The following PCDHA5 variants were observed in gnomAD, a reference collection of about 807,000 sequenced individuals.
PCDHA5 encodes protocadherin alpha 5, also known as protocadherin alpha-5.
A neutral mutation model predicts 61.6 loss-of-function variants in PCDHA5; 43 were observed. That is an observed-to-expected ratio of 0.70 (90% CI 0.55 to 0.90). The LOEUF (loss-of-function observed/expected upper bound fraction) is 0.90, where lower values mean the gene tolerates loss of function less well. Among genes scored for constraint, PCDHA5 ranks in the 40% least tolerant of loss-of-function variants. The pLI, the probability that PCDHA5 is intolerant of heterozygous loss-of-function variation, is 0.00. For missense variants in PCDHA5, 1,298 were observed against 1,222.7 expected, an observed-to-expected ratio of 1.06 and a Z score of -0.92; for synonymous variants, 627 against 543.9, an observed-to-expected ratio of 1.15 and a Z score of -2.13.
chr5:140,834,687 T>C, intron 1 of PCDHA5: 2 of 1,614,150 alleles, frequency 1.2e-6, no homozygotes, highest in Non-Finnish European at 1.7e-6. Flanking sequence ...GAGCGCGGAG[T>C]GCAGCATCCA....
Position 140,848,448 on chromosome 5 carries a change from T to G in PCDHA5, c.2352+24321T>G, listed in dbSNP as rs2150410519. 45 of 1,511,666 alleles carry G rather than the reference T, an allele frequency of 3.0e-5. 2 individuals carry two copies. The highest frequency in any genetic ancestry group is 3.9e-5 in the Non-Finnish European group (43 of 1,111,010). 93.6% of individuals were successfully genotyped at this position (1,511,666 alleles called of 1,614,324 possible). The stretch of plus-strand genomic sequence containing the variant: ...ACTGACGAAATCAGATGATTTCTTC[T>G]AATTTGGAGGCAATTTTCACTAATT... On this transcript the variant is annotated intron_variant, in intron 1 of 3. Transcript: ENST00000529859.
intron 1 of PCDHA5, chr5:140,967,882 C>T (rs1323816592): frequency 1.2e-6 from 2 of 1,614,108 alleles, no homozygotes. Context: ...ACCTGTATAG[C>T]CCAGTGCCTG....
At chr5:140,909,288 A>G (rs1441603045) in intron 1 of PCDHA5, among the ~76,000 whole-genome samples, 2 of 152,234 alleles carry the variant, frequency 1.3e-5, no homozygotes, top group Non-Finnish European at 2.9e-5. Context: ...GGTGGGCCTT[A>G]TGGACAGGAA....
chr5:140,917,741 C>G (rs2078335946), intron 1 of PCDHA5, among the ~76,000 whole-genome samples: 1 of 152,048 alleles, frequency 6.6e-6, no homozygotes, highest in Non-Finnish European at 1.5e-5. Flanking sequence ...CTAACCTGTC[C>G]CATTGGTCTA....
At chr5:140,945,304 C>T (rs993719774) in intron 1 of PCDHA5, among the ~76,000 whole-genome samples, 3 of 151,880 alleles carry the variant, frequency 2.0e-5, no homozygotes, top group African/African-American at 7.3e-5. Flanking sequence ...TTGAAGAAGA[C>T]ACAAATAAAT....
intron 1 of PCDHA5, among the ~76,000 whole-genome samples, chr5:140,880,884 G>A (rs540368068): frequency 2.0e-5 from 3 of 152,304 alleles, no homozygotes; most frequent in South Asian, 4.1e-4. Flanking sequence ...ATAAAGAAAT[G>A]TAGGGCCAGA....
rs557129583 is a variant in PCDHA5 at position 140,853,604 on chromosome 5, G to A, written c.2352+29477G>A. The A allele has an allele frequency of 2.1e-4, 212 of 987,262 alleles. 18 individuals are homozygous for A. Among genetic ancestry groups the A allele is most frequent in the Non-Finnish European group, 2.2e-4 (180 of 819,618 alleles). 61.2% of individuals were successfully genotyped at this position (987,262 alleles called of 1,614,324 possible). A position where few individuals can be genotyped will look rare whatever the true frequency, so the allele number is the denominator to read the frequency against. ...ATCTTAGACACTTTGAGAGCAAAGG[G>A]GGTGCTGTAAATAAGTATACAAGAT... On this transcript the variant is annotated intron_variant, in intron 1 of 3. Coordinates refer to ENST00000529859, the MANE Select transcript of PCDHA5 (RefSeq NM_018908.3).
At chr5:140,966,522 G>A (rs1350046535) in intron 1 of PCDHA5, 2 of 437,040 alleles carry the variant, frequency 4.6e-6, no homozygotes, top group Non-Finnish European at 7.9e-6. Flanking sequence ...GCAGGAAGCC[G>A]AGCCGGGTTG....
chr5:140,960,575 A>G (rs990834964), intron 1 of PCDHA5, among the ~76,000 whole-genome samples: 4 of 152,186 alleles, frequency 2.6e-5, no homozygotes, highest in Non-Finnish European at 2.9e-5. Flanking sequence ...AAACAGTTGG[A>G]AAACAGTTCA....
intron 1 of PCDHA5, chr5:140,853,994 C>A (rs1157670229): frequency 4.2e-6 from 2 of 477,726 alleles, no homozygotes; most frequent in Non-Finnish European, 5.6e-6. Context: ...TGAGACTCAT[C>A]TCTGCCAAAA....
intron 1 of PCDHA5, among the ~76,000 whole-genome samples, chr5:140,908,191 G>A (rs548195405): frequency 2.6e-5 from 4 of 152,244 alleles, no homozygotes; most frequent in African/African-American, 9.6e-5. Flanking sequence ...TTCAGGTGGT[G>A]GACATATCAT....
chr5:140,969,363 C>T, intron 1 of PCDHA5: 2 of 1,610,732 alleles, frequency 1.2e-6, no homozygotes, highest in Non-Finnish European at 8.5e-7. Context: ...CTTCTACAAA[C>T]TCATGCATTT....
At chr5:140,836,246 G>A (rs2150134732) in intron 1 of PCDHA5, 2 of 1,613,810 alleles carry the variant, frequency 1.2e-6, no homozygotes, top group Non-Finnish European at 1.7e-6. Flanking sequence ...CGAGCATCCC[G>A]TTCCGCGTGG....
rs1554174004 is a variant in PCDHA5, at chr5:140,882,408, G to C, written c.2352+58281G>C. On this transcript the variant is annotated intron_variant, in intron 1 of 3. Coordinates refer to ENST00000529859, the MANE Select transcript of PCDHA5 (RefSeq NM_018908.3). Reference sequence around the variant, plus strand: ...GCAAAACACGGCACCTTCGTGGGCCGCATCGCTCAGGACCTGGGGCTGGAG... The same window carrying C: ...GCAAAACACGGCACCTTCGTGGGCCCCATCGCTCAGGACCTGGGGCTGGAG... The C allele has an allele frequency of 3.1e-6, 5 of 1,614,138 alleles. No homozygotes were observed. The highest frequency in any genetic ancestry group is 3.3e-5 in the Admixed American group (2 of 60,036).
chr5:140,975,601 GA>G (rs781785883), intron 1 of PCDHA5, among the ~76,000 whole-genome samples: 1 of 152,192 alleles, frequency 6.6e-6, no homozygotes, highest in Non-Finnish European at 1.5e-5. Flanking sequence ...GCAATTTGTT[GA>G]TGTCTTCCAC....
intron 3 of PCDHA5, among the ~76,000 whole-genome samples, chr5:140,995,493 G>T (rs1427672474): frequency 6.6e-6 from 1 of 152,148 alleles, no homozygotes; most frequent in Non-Finnish European, 1.5e-5. Flanking sequence ...TCAGACTAAG[G>T]TTGACTGTGG....
chr5:140,830,272 C>T (rs2150183943), intron 1 of PCDHA5: 3 of 1,613,840 alleles, frequency 1.9e-6, no homozygotes, highest in African/African-American at 2.7e-5. Flanking sequence ...CGGCGCCACC[C>T]ACCGAGGGCG....
intron 1 of PCDHA5, chr5:140,834,600 G>T: frequency 6.2e-7 from 1 of 1,614,148 alleles, no homozygotes; most frequent in Non-Finnish European, 8.5e-7. Context: ...ATTCCGTGGG[G>T]ATCTTCTGGA....
intron 1 of PCDHA5, among the ~76,000 whole-genome samples, chr5:140,971,359 G>T (rs537725732): frequency 6.6e-5 from 10 of 152,312 alleles, no homozygotes; most frequent in Admixed American, 3.3e-4. Flanking sequence ...GGGAGATTTT[G>T]CCAGGAGAGT....
Sources: gnomAD v4.1 joint callset for allele counts (sites outside exome capture counted in the v4.1 genomes callset) on GRCh38, gnomAD v4.1.1 for gene constraint, MANE v1.5 for transcripts, NCBI Gene and HGNC (gene_info 2026-07-23, HGNC 2026-07-21) for gene names.